The following TBL1XR1 variants were observed in gnomAD, a reference collection of about 807,000 sequenced individuals.
The protein encoded by TBL1XR1 is F-box-like/WD repeat-containing protein TBL1XR1.
Under a neutral mutation model 66.9 loss-of-function variants are expected in TBL1XR1, and 5 were observed. The observed-to-expected ratio is 0.07, with a 90% CI of 0.04 to 0.16. The LOEUF (loss-of-function observed/expected upper bound fraction) is 0.16. TBL1XR1 is among the 10% of genes least tolerant of loss of function. The pLI, the probability that TBL1XR1 is intolerant of heterozygous loss-of-function variation, is 1.00. For missense variants in TBL1XR1, 238 were observed against 623.2 expected, an observed-to-expected ratio of 0.38 and a Z score of 6.58; for synonymous variants, 210 against 206.0, an observed-to-expected ratio of 1.02 and a Z score of -0.17.
At chr3:177,174,135 C>CG (rs1244055025) in intron 1 of TBL1XR1, among the ~76,000 whole-genome samples, 1 of 151,960 alleles carries the variant, frequency 6.6e-6, no homozygotes, top group Non-Finnish European at 1.5e-5. Context: ...GATGACAGGC[C>CG]GGGTGCGGTG....
chr3:177,069,250 AT>A (rs1373865165), intron 2 of TBL1XR1, among the ~76,000 whole-genome samples: 4 of 152,204 alleles, frequency 2.6e-5, no homozygotes, highest in Non-Finnish European at 4.4e-5. Flanking sequence ...TTAAGAAAGC[AT>A]TTTTATAGGC....
chr3:177,170,849 C>T (rs1476295106), intron 1 of TBL1XR1, among the ~76,000 whole-genome samples: 2 of 152,080 alleles, frequency 1.3e-5, no homozygotes, highest in East Asian at 3.9e-4. Context: ...AAGCTATCCA[C>T]CCACCTCAGC....
In TBL1XR1 at chr3:177,025,537, A is replaced by G. The variant is rs1296363196; in HGVS notation, c.1519-13T>C. On this transcript the variant is annotated splice_polypyrimidine_tract_variant and intron_variant, in intron 15 of 15. Coordinates refer to ENST00000457928, the MANE Select transcript of TBL1XR1 (RefSeq NM_024665.7). ...CTAATACACAAACCTGTAAGAAATTAAAATAATCAACCAGTGTATTCAGAA... is the reference window on the plus strand; with the variant it reads ...CTAATACACAAACCTGTAAGAAATTGAAATAATCAACCAGTGTATTCAGAA... The G allele has an allele frequency of 2.5e-6, 4 of 1,611,642 alleles. No homozygotes were observed. The highest frequency in any genetic ancestry group is 3.4e-6 in the Non-Finnish European group (4 of 1,178,736).
intron 1 of TBL1XR1, among the ~76,000 whole-genome samples, chr3:177,098,845 C>T (rs1036627520): frequency 3.9e-5 from 6 of 152,102 alleles, no homozygotes; most frequent in African/African-American, 1.4e-4. Flanking sequence ...TATTGCATTA[C>T]GGTCCAATTA....
intron 1 of TBL1XR1, among the ~76,000 whole-genome samples, chr3:177,129,250 C>A (rs144839555): frequency 6.6e-6 from 1 of 152,166 alleles, no homozygotes; most frequent in African/African-American, 2.4e-5. Context: ...ACAATTACAA[C>A]TCATATCTGA....
intron 2 of TBL1XR1, among the ~76,000 whole-genome samples, chr3:177,082,907 C>A (rs1416544754): frequency 6.6e-6 from 1 of 151,060 alleles, no homozygotes; most frequent in Non-Finnish European, 1.5e-5. Context: ...AGGCGACCAC[C>A]ACCACATCTG....
intron 1 of TBL1XR1, among the ~76,000 whole-genome samples, chr3:177,196,767 G>A (rs980561139): frequency 6.6e-6 from 1 of 151,934 alleles, no homozygotes; most frequent in African/African-American, 2.4e-5. Context: ...CAAAAAGGGG[G>A]TGTAAATGCA....
intron 1 of TBL1XR1, among the ~76,000 whole-genome samples, chr3:177,182,920 T>G (rs2108975883): frequency 6.6e-6 from 1 of 152,322 alleles, no homozygotes; most frequent in African/African-American, 2.4e-5. Flanking sequence ...GTACTGTCCT[T>G]TATGAGAAGC....
chr3:177,198,865 GACACACACACACACAC>G (rs57636923), upstream of TBL1XR1, among the ~76,000 whole-genome samples: 1,065 of 148,148 alleles, frequency 7.2e-3, 21 homozygotes, highest in South Asian at 0.066. Flanking sequence ...GAAGTTTTGC[GACACACACACACACAC>G]ACACACACAC....
At chr3:177,128,707 G>A (rs1727942370) in intron 1 of TBL1XR1, among the ~76,000 whole-genome samples, 1 of 152,104 alleles carries the variant, frequency 6.6e-6, no homozygotes, top group Admixed American at 6.5e-5. Context: ...ATGACACAGA[G>A]CAAATATCTT....
At chr3:177,093,030 T>A (rs1162645951) in intron 2 of TBL1XR1, among the ~76,000 whole-genome samples, 1 of 152,176 alleles carries the variant, frequency 6.6e-6, no homozygotes, top group East Asian at 1.9e-4. Flanking sequence ...AAACTGTTGC[T>A]GTTTGCTGAT....
chr3:177,152,263 A>C (rs1256586163), intron 1 of TBL1XR1, among the ~76,000 whole-genome samples: 1 of 151,472 alleles, frequency 6.6e-6, no homozygotes, highest in African/African-American at 2.4e-5. Flanking sequence ...TTTACTTTTC[A>C]CTCCCAGATC....
chr3:177,090,067 T>C (rs1055100961), intron 2 of TBL1XR1, among the ~76,000 whole-genome samples: 1 of 152,228 alleles, frequency 6.6e-6, no homozygotes, highest in African/African-American at 2.4e-5. Context: ...CATGCACATT[T>C]CATGCTCCTA....
intron 1 of TBL1XR1, among the ~76,000 whole-genome samples, chr3:177,181,992 T>C (rs975083805): frequency 6.6e-6 from 1 of 151,988 alleles, no homozygotes; most frequent in African/African-American, 2.4e-5. Flanking sequence ...ATTCCTTGTT[T>C]CCCCTAGCAA....
chr3:177,168,485 T>C (rs1213220642), intron 1 of TBL1XR1, among the ~76,000 whole-genome samples: 2 of 152,240 alleles, frequency 1.3e-5, no homozygotes, highest in Admixed American at 1.3e-4. Context: ...TTTCACCATA[T>C]TAGCCAGGCT....
At chr3:177,037,512 G>A (rs918172664) in intron 12 of TBL1XR1, 1 of 151,950 alleles carries the variant, frequency 6.6e-6, no homozygotes, top group South Asian at 2.1e-4. Context: ...TGGGCGGCGG[G>A]GGGGGCATCA....
chr3:177,096,457 T>C (rs1284258891), intron 2 of TBL1XR1, among the ~76,000 whole-genome samples: 1 of 152,152 alleles, frequency 6.6e-6, no homozygotes, highest in Non-Finnish European at 1.5e-5. Flanking sequence ...TATGAGCGGT[T>C]ATAAAAACAG....
At chr3:177,175,464 T>C (rs771674030) in intron 1 of TBL1XR1, among the ~76,000 whole-genome samples, 2 of 152,210 alleles carry the variant, frequency 1.3e-5, no homozygotes, top group Admixed American at 6.5e-5. Context: ...TTGAGACTAA[T>C]GTATTCAAAA....
intron 1 of TBL1XR1, among the ~76,000 whole-genome samples, chr3:177,188,114 T>G (rs1213998771): frequency 6.6e-6 from 1 of 152,014 alleles, no homozygotes; most frequent in Admixed American, 6.6e-5. Context: ...GTATTTTTAG[T>G]AGAGACGGGG....
Sources: gnomAD v4.1 joint callset for allele counts (sites outside exome capture counted in the v4.1 genomes callset) on GRCh38, gnomAD v4.1.1 for gene constraint, MANE v1.5 for transcripts, NCBI Gene and HGNC (gene_info 2026-07-23, HGNC 2026-07-21) for gene names.